Variants in DRC11 observed in about 807,000 individuals in gnomAD.
DRC11 encodes the protein IQ and AAA domain-containing protein 1.
At chr2:236,309,406 G>A in the DRC11 span, among the ~76,000 whole-genome samples, 1 of 152,098 alleles carries the variant, frequency 6.6e-6, no homozygotes, top group Non-Finnish European at 1.5e-5. The surrounding 1 kb of genome is among the most constrained non-coding windows in gnomAD (Gnocchi z 5.7). Context: ...TCCCAAGGAA[G>A]AGACATCCCG....
chr2:236,479,385 AT>A, the DRC11 span, among the ~76,000 whole-genome samples: 125 of 149,480 alleles, frequency 8.4e-4, 1 homozygote, highest in African/African-American at 2.8e-3. This position sits in a 1 kb window ranked among gnomAD's most constrained non-coding sequence, Gnocchi z 4.1. Context: ...TGCCATTTAC[AT>A]TTTTTTTTCT....
chr2:236,389,490 C>G, the DRC11 span, among the ~76,000 whole-genome samples: 1 of 152,182 alleles, frequency 6.6e-6, no homozygotes, highest in Non-Finnish European at 1.5e-5. Context: ...TTGCGCTTCC[C>G]GAGTGAGGCA....
At chr2:236,311,740 G>A in the DRC11 span, among the ~76,000 whole-genome samples, 2 of 150,296 alleles carry the variant, frequency 1.3e-5, no homozygotes, top group East Asian at 2.0e-4. The surrounding 1 kb of genome is among the most constrained non-coding windows in gnomAD (Gnocchi z 6.9). Context: ...GTGTGTGTTG[G>A]GGCTCACTTT....
the DRC11 span, among the ~76,000 whole-genome samples, chr2:236,394,905 A>C: frequency 4.6e-5 from 7 of 152,260 alleles, no homozygotes; most frequent in South Asian, 1.5e-3. The surrounding 1 kb of genome is among the most constrained non-coding windows in gnomAD (Gnocchi z 7.0). Context: ...TGCCACAGAG[A>C]TATGGAGGAC....
At chr2:236,419,410 T>G in the DRC11 span, 3 of 1,341,070 alleles carry the variant, frequency 2.2e-6, no homozygotes, top group Admixed American at 7.0e-5. The surrounding 1 kb of genome is among the most constrained non-coding windows in gnomAD (Gnocchi z 4.8). Context: ...GCCGACCCCT[T>G]CTGGGGCATG....
the DRC11 span, among the ~76,000 whole-genome samples, chr2:236,417,163 C>G: frequency 1.3e-5 from 2 of 152,158 alleles, no homozygotes; most frequent in Admixed American, 6.5e-5. Context: ...AGCCACCATG[C>G]CCAGCCAAAA....
the DRC11 span, among the ~76,000 whole-genome samples, chr2:236,456,322 G>A: frequency 6.6e-6 from 1 of 152,118 alleles, no homozygotes; most frequent in Non-Finnish European, 1.5e-5. This position sits in a 1 kb window ranked among gnomAD's most constrained non-coding sequence, Gnocchi z 5.4. Context: ...TAAGAAACTG[G>A]CTCAAGGTCA....
chr2:236,401,492 T>C, the DRC11 span, among the ~76,000 whole-genome samples: 264 of 152,314 alleles, frequency 1.7e-3, no homozygotes, highest in African/African-American at 6.2e-3. This position sits in a 1 kb window ranked among gnomAD's most constrained non-coding sequence, Gnocchi z 4.6. Context: ...CGACATTTGC[T>C]GGATGAAACA....
chr2:236,465,558 C>G, the DRC11 span: 2 of 1,613,942 alleles, frequency 1.2e-6, no homozygotes, highest in African/African-American at 2.7e-5. The surrounding 1 kb of genome is among the most constrained non-coding windows in gnomAD (Gnocchi z 6.2). Flanking sequence ...CCTTGATATC[C>G]ACGCCTTCTA....
At chr2:236,380,755 T>C in the DRC11 span, 1 of 730,240 alleles carries the variant, frequency 1.4e-6, no homozygotes, top group Non-Finnish European at 2.4e-6. The surrounding 1 kb of genome is among the most constrained non-coding windows in gnomAD (Gnocchi z 4.9). Context: ...TTAATTGTGG[T>C]GGCGTGAACA....
chr2:236,347,512 A>C, the DRC11 span, among the ~76,000 whole-genome samples: 11 of 141,796 alleles, frequency 7.8e-5, 1 homozygote, highest in Non-Finnish European at 1.3e-4. Context: ...ACTGTGCTAT[A>C]TATATATATA....
the DRC11 span, among the ~76,000 whole-genome samples, chr2:236,499,515 G>A: frequency 3.4e-4 from 52 of 152,248 alleles, no homozygotes; most frequent in Admixed American, 1.8e-3. The surrounding 1 kb of genome is among the most constrained non-coding windows in gnomAD (Gnocchi z 4.7). Context: ...TGCAACCTCC[G>A]CCTCCTGGGT....
chr2:236,357,174 A>ATT, the DRC11 span, among the ~76,000 whole-genome samples: 2 of 114,004 alleles, frequency 1.8e-5, no homozygotes, highest in African/African-American at 7.2e-5. Context: ...ATATCTATAT[A>ATT]TTATATATAT....
the DRC11 span, among the ~76,000 whole-genome samples, chr2:236,334,116 T>G: frequency 6.6e-6 from 1 of 152,354 alleles, no homozygotes; most frequent in South Asian, 2.1e-4. This position sits in a 1 kb window ranked among gnomAD's most constrained non-coding sequence, Gnocchi z 7.8. Flanking sequence ...TGGTGGGACC[T>G]GCCCACCTGC....
the DRC11 span, chr2:236,380,495 G>T: frequency 2.6e-6 from 3 of 1,152,654 alleles, no homozygotes; most frequent in South Asian, 4.0e-5. The surrounding 1 kb of genome is among the most constrained non-coding windows in gnomAD (Gnocchi z 4.9). Context: ...CACAGAGGGG[G>T]CGTACTCGGG....
the DRC11 span, among the ~76,000 whole-genome samples, chr2:236,400,631 A>G: frequency 1.3e-5 from 2 of 152,314 alleles, no homozygotes; most frequent in South Asian, 4.1e-4. The surrounding 1 kb of genome is among the most constrained non-coding windows in gnomAD (Gnocchi z 7.9). Context: ...AAGCAGGCTC[A>G]GTACTCTCTA....
the DRC11 span, among the ~76,000 whole-genome samples, chr2:236,469,381 T>A: frequency 1.3e-5 from 2 of 152,248 alleles, no homozygotes; most frequent in South Asian, 4.2e-4. This position sits in a 1 kb window ranked among gnomAD's most constrained non-coding sequence, Gnocchi z 5.8. Flanking sequence ...AATTTTTGTA[T>A]TTTTAGTAGA....
the DRC11 span, among the ~76,000 whole-genome samples, chr2:236,393,945 C>A: frequency 6.6e-6 from 1 of 152,054 alleles, no homozygotes; most frequent in South Asian, 2.1e-4. The surrounding 1 kb of genome is among the most constrained non-coding windows in gnomAD (Gnocchi z 4.7). Flanking sequence ...TGAAAATAAC[C>A]CCTTCCTCAC....
At chr2:236,398,983 C>T in the DRC11 span, among the ~76,000 whole-genome samples, 533 of 152,052 alleles carry the variant, frequency 3.5e-3, 7 homozygotes, top group African/African-American at 0.012. The surrounding 1 kb of genome is among the most constrained non-coding windows in gnomAD (Gnocchi z 6.2). Flanking sequence ...CTTAAGGCCA[C>T]CAAAAGGAAT....
Sources: allele counts gnomAD v4.1 joint callset (sites outside exome capture counted in the v4.1 genomes callset), GRCh38; gene constraint gnomAD v4.1.1; non-coding constraint Gnocchi (gnomAD v3.1); transcripts MANE v1.5; gene names NCBI Gene and HGNC (gene_info 2026-07-23, HGNC 2026-07-21).